The following STOX2 variants were observed in gnomAD, a reference collection of about 807,000 sequenced individuals.
The protein encoded by STOX2 is storkhead box 2.
Under a neutral mutation model 60.9 loss-of-function variants are expected in STOX2, and 28 were observed. The ratio of observed to expected loss-of-function variants is 0.46; its 90% CI spans 0.34 to 0.63. STOX2 has a LOEUF of 0.63. Among genes scored for constraint, STOX2 ranks in the 30% least tolerant of loss-of-function variants. STOX2 has a pLI of 0.01. For missense variants in STOX2, 1,024 were observed against 1,187.7 expected (o/e 0.86, Z 2.03); for synonymous variants, 472 against 463.9 (o/e 1.02, Z -0.22).
At chr4:183,851,833 CGAT>C (rs1292088850) in intron 1 of STOX2, among the ~76,000 whole-genome samples, 1 of 9,314 alleles carries the variant, frequency 1.1e-4, no homozygotes. Context: ...ATGAGGGAAA[CGAT>C]GAGGGAAAGG....
At chr4:183,932,507 C>T (rs1742468410) in intron 1 of STOX2, among the ~76,000 whole-genome samples, 1 of 151,278 alleles carries the variant, frequency 6.6e-6, no homozygotes, top group Non-Finnish European at 1.5e-5. Context: ...TCAGTATACA[C>T]ATTAATGGTG....
intron 1 of STOX2, among the ~76,000 whole-genome samples, chr4:183,981,191 G>A (rs1732648245): frequency 6.6e-6 from 1 of 152,182 alleles, no homozygotes; most frequent in Admixed American, 6.5e-5. Flanking sequence ...TCTCCCTAAA[G>A]GGTCAGTTCA....
chr4:183,816,386 A>G (rs542216328), intron 1 of STOX2, among the ~76,000 whole-genome samples: 43 of 152,356 alleles, frequency 2.8e-4, no homozygotes, highest in Middle Eastern at 6.8e-3. Flanking sequence ...TCCTAAGTAA[A>G]TTAATGCAGA....
rs202047058 is a variant in STOX2, at chr4:184,011,179, G to C, written c.2341G>C (p.Asp781His). ...FDYYNVSDDD[D>H]SEEGANKNTE... is the part of the protein sequence containing the mutation. ...CTATTACAACGTCTCTGATGATGACGACTCTGAGGAAGGGGCAAACAAGAA... is the reference window on the plus strand; with the variant it reads ...CTATTACAACGTCTCTGATGATGACCACTCTGAGGAAGGGGCAAACAAGAA... The change falls in exon 3 of 4, where the codon GAC (aspartate) becomes CAC (histidine). Residue 781 changes from aspartate to histidine, a missense_variant. Physicochemically the swap from Asp to His is moderately conservative, Grantham distance 81. This residue lies in a region of STOX2 where 922 missense variants were observed against 1,058.3 expected (regional missense o/e 0.87). Transcript: ENST00000308497. The surrounding 1 kb of genome is among the most constrained non-coding windows in gnomAD (Gnocchi z 4.4). 1 of 1,590,756 alleles carries C rather than the reference G, an allele frequency of 6.3e-7. No individual in the cohort carries two copies. The highest frequency in any genetic ancestry group is 1.1e-5 in the South Asian group (1 of 87,004).
Position 183,944,155 on chromosome 4 carries a change from T to C in STOX2, c.166+37199T>C, listed in dbSNP as rs541599834. Among the ~76,000 whole-genome samples the C allele has an allele frequency of 8.5e-5, 13 of 152,328 alleles. No homozygotes were observed. The East Asian group carries it at 2.5e-3, about 29-fold the overall frequency. On this transcript the variant is annotated intron_variant, in intron 1 of 3. Coordinates refer to ENST00000308497, the MANE Select transcript of STOX2 (RefSeq NM_020225.3). ...ACACTTCACAGAGTAGCTGACAATG[T>C]AAGTCAGGGTAAAATAGTAGTTACT...
At chr4:183,832,733 G>A (rs1022054687) in intron 1 of STOX2, among the ~76,000 whole-genome samples, 27 of 152,018 alleles carry the variant, frequency 1.8e-4, no homozygotes, top group African/African-American at 6.0e-4. Flanking sequence ...CAAGTGATCC[G>A]CCTGCCTTGG....
chr4:183,818,834 C>G (rs530162105), intron 1 of STOX2, among the ~76,000 whole-genome samples: 2 of 146,598 alleles, frequency 1.4e-5, no homozygotes, highest in Non-Finnish European at 1.5e-5. Context: ...CAGACGGGGT[C>G]GCGACCGGGC....
At chr4:183,827,403 GA>G (rs564608199) in intron 1 of STOX2, among the ~76,000 whole-genome samples, 16 of 152,174 alleles carry the variant, frequency 1.1e-4, no homozygotes, top group Non-Finnish European at 2.2e-4. Flanking sequence ...GAGGCGTGAG[GA>G]TTGCTTGAAC....
Position 184,021,423 on chromosome 4 carries a change from G to A in STOX2, c.*4139G>A, listed in dbSNP as rs1734587758. 1 of 146,102 alleles carries A rather than the reference G, an allele frequency of 6.8e-6. No homozygotes were observed. The highest frequency in any genetic ancestry group is 2.6e-5 in the African/African-American group (1 of 38,992). The allele number at this position is 146,102 out of a possible 1,614,324, so 9.1% of individuals were successfully genotyped here. On this transcript the variant is annotated 3_prime_UTR_variant, in exon 4 of 4. Transcript: ENST00000308497. ...AAGTCAAAGAAAACAAATACATCTT[G>A]ACACTTTTGTCCATTTTCATTAAAA...
At chr4:183,932,180 G>A (rs1029021572) in intron 1 of STOX2, among the ~76,000 whole-genome samples, 1 of 152,048 alleles carries the variant, frequency 6.6e-6, no homozygotes, top group African/African-American at 2.4e-5. Flanking sequence ...GGTGCCATTT[G>A]CTTGGATGGA....
intron 1 of STOX2, among the ~76,000 whole-genome samples, chr4:183,992,019 T>C (rs1733129377): frequency 1.3e-5 from 2 of 152,218 alleles, no homozygotes; most frequent in South Asian, 4.1e-4. Flanking sequence ...AAAAGTTACT[T>C]AATTGTACAG....
chr4:183,895,825 G>T (rs1653871263), intron 1 of STOX2, among the ~76,000 whole-genome samples: 1 of 152,208 alleles, frequency 6.6e-6, no homozygotes, highest in South Asian at 2.1e-4. Context: ...GTAGGGTGTT[G>T]TGTTGCATTA....
At chr4:183,841,750 C>T (rs1739868378) in intron 1 of STOX2, among the ~76,000 whole-genome samples, 1 of 152,158 alleles carries the variant, frequency 6.6e-6, no homozygotes, top group South Asian at 2.1e-4. Context: ...TACAGAGCAA[C>T]TCTTATTTTA....
At chr4:183,857,185 G>T (rs964620276) in intron 1 of STOX2, among the ~76,000 whole-genome samples, 1 of 152,028 alleles carries the variant, frequency 6.6e-6, no homozygotes, top group Non-Finnish European at 1.5e-5. Flanking sequence ...CATCCCACAG[G>T]ACTGGTCATC....
chr4:183,806,017 C>G lies in STOX2; in HGVS notation c.364+7962C>G, dbSNP rs1738881235. 6.6e-6 allele frequency among the ~76,000 whole-genome samples: 1 copy of G among 152,150 alleles called. No homozygotes were observed. Among genetic ancestry groups the G allele is most frequent in the Non-Finnish European group, 1.5e-5 (1 of 68,018 alleles). ...AGAGGTAGAAAGGATTCATCCAAGT[C>G]TTTGGGGCCTGAATTAAGTGGGTAA... On this transcript the variant is annotated intron_variant, in intron 1 of 2. Coordinates refer to the STOX2 transcript ENST00000513034. This position sits in a 1 kb window ranked among gnomAD's most constrained non-coding sequence, Gnocchi z 4.1.
At chr4:183,949,287 A>G in intron 1 of STOX2, among the ~76,000 whole-genome samples, 1 of 152,228 alleles carries the variant, frequency 6.6e-6, no homozygotes, top group Non-Finnish European at 1.5e-5. Context: ...TTTTAAATCA[A>G]TCACTGTATT....
intron 1 of STOX2, among the ~76,000 whole-genome samples, chr4:183,910,450 G>A (rs1741746290): frequency 6.6e-6 from 1 of 152,138 alleles, no homozygotes; most frequent in African/African-American, 2.4e-5. Flanking sequence ...AGAATTATGT[G>A]AACTGTAAGC....
intron 1 of STOX2, among the ~76,000 whole-genome samples, chr4:183,984,808 G>T (rs1483964956): frequency 1.3e-5 from 2 of 152,200 alleles, no homozygotes; most frequent in African/African-American, 4.8e-5. Context: ...TGTTCGTAAA[G>T]CTTTACTGTA....
At chr4:183,822,550 G>A (rs905944170) in intron 1 of STOX2, among the ~76,000 whole-genome samples, 1 of 152,188 alleles carries the variant, frequency 6.6e-6, no homozygotes, top group African/African-American at 2.4e-5. Flanking sequence ...CTCATAAGGA[G>A]CACACACCCC....
Sources: allele counts gnomAD v4.1 joint callset (sites outside exome capture counted in the v4.1 genomes callset), GRCh38; gene constraint gnomAD v4.1.1; regional missense constraint gnomAD v4.1.1; non-coding constraint Gnocchi (gnomAD v3.1); transcripts MANE v1.5; gene names NCBI Gene and HGNC (gene_info 2026-07-23, HGNC 2026-07-21).